Variants in VPS11 observed in about 807,000 individuals in gnomAD.
VPS11 encodes the protein VPS11 core subunit of CORVET and HOPS complexes.
VPS11 carries 51 observed loss-of-function variants against 106.8 expected under a neutral mutation model. The observed-to-expected ratio is 0.48, with a 90% CI of 0.38 to 0.60. VPS11 has a LOEUF of 0.60. Among genes scored for constraint, VPS11 ranks in the 20% least tolerant of loss-of-function variants. VPS11 has a pLI of 0.00. For synonymous variants in VPS11, 453 were observed against 458.7 expected (o/e 0.99, Z 0.16); for missense variants, 950 against 1,190.0 (o/e 0.80, Z 2.97).
Position 119,069,430 on chromosome 11 carries a change from G to A in VPS11, c.337-12G>A. The A allele has an allele frequency of 6.2e-7, 1 of 1,614,002 alleles. No homozygotes were observed. Among genetic ancestry groups the A allele is most frequent in the Non-Finnish European group, 8.5e-7 (1 of 1,179,888 alleles). ...GATGACTAGCATTTACACTTCTGAG[G>A]TCTGTCCACAGGTTAAGATCTGGAA... is the stretch of plus-strand genomic sequence containing the variant. On this transcript the variant is annotated splice_polypyrimidine_tract_variant and intron_variant, in intron 2 of 15. Transcript: ENST00000621676.
rs782391539 is a variant in VPS11, at chr11:119,078,213, C to T, written c.1802C>T (p.Pro601Leu). ...TTCATCCCCATCTTTGCCAATAACC[C>T]GCGAGAGCTGAAAGCCTTCCTAGAG... ...EEFIPIFANN[P>L]RELKAFLEHM... The change falls in exon 11 of 16, where the codon CCG becomes CTG. Residue 601 changes from proline to leucine, a missense_variant. Coordinates refer to ENST00000621676, the MANE Select transcript of VPS11 (RefSeq NM_021729.6). 1.9e-6 allele frequency: 3 copies of T among 1,613,552 alleles called. No homozygotes were observed. The highest frequency in any genetic ancestry group is 2.5e-6 in the Non-Finnish European group (3 of 1,179,896).
rs1191644865 is a variant in VPS11 at position 119,081,156 on chromosome 11, C to T, written c.2503C>T (p.His835Tyr). 9.9e-6 allele frequency: 16 copies of T among 1,614,040 alleles called. No homozygotes were observed. The highest frequency in any genetic ancestry group is 1.4e-5 in the Non-Finnish European group (16 of 1,179,904). Residue 835 changes from histidine (H) to tyrosine (Y), a missense_variant, in exon 15 of 16, where the codon CAC becomes TAC. Physicochemically the swap from His to Tyr is moderately conservative, Grantham distance 83. Around this residue, in one of 3 missense-constraint regions of VPS11, gnomAD observed 453 missense variants for 514.6 expected, o/e 0.88. Coordinates refer to ENST00000621676, the MANE Select transcript of VPS11 (RefSeq NM_021729.6). Reference protein sequence around the residue: ...CNSALELPSVHFLCGHSFHQH... With the variant: ...CNSALELPSVYFLCGHSFHQH... ...CAGTGCCTTGGAGTTGCCCTCAGTC[C>T]ACTTCCTGTGTGGCCACTCCTTCCA... is the stretch of plus-strand genomic sequence containing the variant.
In VPS11 at chr11:119,078,693, G is replaced by C. The variant is rs267602719; in HGVS notation, c.2052G>C (p.Glu684Asp). 6.8e-6 allele frequency: 11 copies of C among 1,611,770 alleles called. No homozygotes were observed. The South Asian group carries it at 1.1e-4, about 16-fold the overall frequency. ...AGGATGGTGTCCTTTACCTTTATGAGCAGGGGAAGCTGTAAGAGTTTGGGG... is the reference window on the plus strand; with the variant it reads ...AGGATGGTGTCCTTTACCTTTATGACCAGGGGAAGCTGTAAGAGTTTGGGG... ...DFQDGVLYLYEQGKLFQQIMH... is the reference protein window; with the variant it reads ...DFQDGVLYLYDQGKLFQQIMH... Residue 684 changes from glutamate (E) to aspartate (D), a missense_variant, in exon 12 of 16, where the codon GAG becomes GAC. Transcript: ENST00000621676.
At chr11:119,068,431 C>A (rs1945204740) in intron 1 of VPS11, among the ~76,000 whole-genome samples, 1 of 138,518 alleles carries the variant, frequency 7.2e-6, no homozygotes. Context: ...CTACTAAATT[C>A]TGGCCTTTTT....
At chr11:119,070,985 A>G (rs1165353361) in intron 4 of VPS11, among the ~76,000 whole-genome samples, 2 of 144,740 alleles carry the variant, frequency 1.4e-5, no homozygotes, top group South Asian at 4.4e-4. Flanking sequence ...CTAGAGTGCA[A>G]TGGTGCTGTC....
intron 6 of VPS11, 109 bp downstream of exon 6, chr11:119,073,508 C>A: frequency 7.6e-7 from 1 of 1,322,292 alleles, no homozygotes; most frequent in Non-Finnish European, 1.0e-6. Context: ...TGGGTCACAG[C>A]CTTACTCAGC....
Position 119,078,596 on chromosome 11 carries a change from C to T in VPS11, c.1955C>T (p.Ser652Phe). 2.5e-6 allele frequency: 4 copies of T among 1,613,594 alleles called. No homozygotes were observed. The South Asian group carries it at 4.4e-5, about 18-fold the overall frequency. Residue 652 changes from serine to phenylalanine, a missense_variant, in exon 12 of 16, where the codon TCC becomes TTC. By Grantham distance (155) the Ser-to-Phe change is radical. This residue lies in a region of VPS11 where 453 missense variants were observed against 514.6 expected (regional missense o/e 0.88). Transcript: ENST00000621676. ...VKEKLHAEAI[S>F]LLKSGRFCDV... ...GAGAAGCTTCACGCAGAGGCCATTT[C>T]CCTGCTGAAGAGTGGTCGCTTCTGC...
At chr11:119,070,169 T>G in intron 3 of VPS11, 65 bp from the exon 4 acceptor site, 1 of 1,520,406 alleles carries the variant, frequency 6.6e-7, no homozygotes, top group Non-Finnish European at 8.9e-7. Flanking sequence ...CAAGTGGTCT[T>G]TTTTCCCCTC....
intron 14 of VPS11, among the ~76,000 whole-genome samples, chr11:119,079,727 C>A (rs1007103558): frequency 6.6e-6 from 1 of 152,164 alleles, no homozygotes; most frequent in Non-Finnish European, 1.5e-5. Flanking sequence ...AGGCGTGTGC[C>A]ACCAAGCCCA....
At chr11:119,068,560 C>T (rs918967565) in intron 1 of VPS11, among the ~76,000 whole-genome samples, 1 of 149,546 alleles carries the variant, frequency 6.7e-6, no homozygotes, top group Non-Finnish European at 1.5e-5. Context: ...GATTCTCCTG[C>T]CACAGCCTCC....
rs1454864198 is a variant in VPS11, at chr11:119,077,602, T to C, written c.1527T>C (p.His509=). 7 of 1,612,916 alleles carry C rather than the reference T, an allele frequency of 4.3e-6. No homozygotes were observed. Among genetic ancestry groups the C allele is most frequent in the Non-Finnish European group, 5.9e-6 (7 of 1,179,354 alleles). Residue 509 remains histidine, a synonymous_variant, in exon 9 of 16, where the codon CAT becomes CAC. Transcript: ENST00000621676. ...YSHALYLAEN[H]AHHEWYLKIQ... is the part of the protein sequence containing the mutation. ...ATGCCCTGTATCTGGCGGAGAACCA[T>C]GCACATCATGAGTGGTACCTGAAGA...
In VPS11 at chr11:119,077,156, G is replaced by A. The variant is rs59351723; in HGVS notation, c.1425+73G>A. On this transcript the variant is annotated intron_variant, in intron 8 of 15. Transcript: ENST00000621676. ...GAGGTGGCTCCACCGGGACTTGTTCGTTTCAGCAAGACATAGGGAGAGGAA... is the reference window on the plus strand; with the variant it reads ...GAGGTGGCTCCACCGGGACTTGTTCATTTCAGCAAGACATAGGGAGAGGAA... The A allele has an allele frequency of 8.1e-3, 12,430 of 1,534,872 alleles. 700 individuals are homozygous for A. The African/African-American group carries it at 0.13, about 16-fold the overall frequency.
chr11:119,073,933 C>T lies in VPS11; in HGVS notation c.1220C>T (p.Ala407Val). 6.2e-7 allele frequency: 1 copy of T among 1,612,974 alleles called. No homozygotes were observed. The highest frequency in any genetic ancestry group is 8.5e-7 in the Non-Finnish European group (1 of 1,179,514). Residue 407 changes from alanine (A) to valine (V), a missense_variant, in exon 7 of 16, where the codon GCT becomes GTT. Coordinates refer to ENST00000621676, the MANE Select transcript of VPS11 (RefSeq NM_021729.6). The stretch of plus-strand genomic sequence containing the variant: ...TACAGCAAGGGCAACCACGATGGGG[C>T]TGTCCAGCAATATATCCGGTCAGTC... ...HLYSKGNHDG[A>V]VQQYIRTIGK...
chr11:119,069,041 T>G, intron 1 of VPS11, 155 bp from the exon 2 acceptor site: 1 of 321,558 alleles, frequency 3.1e-6, no homozygotes, highest in Non-Finnish European at 5.3e-6. Flanking sequence ...ATTACAGGTG[T>G]GAGTCACCGC....
At position 119,070,028 on chromosome 11, in the gene VPS11, A is replaced by AAATAAATAAAT. The variant is rs375064434; in HGVS notation, c.473-204_473-203insTAAATAAATAA. On this transcript the variant is annotated intron_variant, in intron 3 of 15. Transcript: ENST00000621676. Reference sequence around the variant, plus strand: ...TAAATAAATAAATAAATAAATAAATAAAATAAATAAAGTTTGGAATGGGAA... The same window carrying AAATAAATAAAT: ...TAAATAAATAAATAAATAAATAAATAAATAAATAAATAAATAAATAAAGTTTGGAATGGGAA... 2.1e-4 allele frequency among the ~76,000 whole-genome samples: 6 copies of AAATAAATAAAT among 28,132 alleles called. No homozygotes were observed. The East Asian group carries it at 0.012, about 55-fold the overall frequency. The allele number at this position is 28,132 out of a possible 152,430, so 18.5% of individuals were successfully genotyped here. A position where few individuals can be genotyped will look rare whatever the true frequency, so the allele number is the denominator to read the frequency against.
Position 119,071,808 on chromosome 11 carries a change from TATC to T in VPS11, c.852_854del (p.Ile285del), listed in dbSNP as rs1290647511. The T allele has an allele frequency of 6.2e-7, 1 of 1,613,708 alleles. No homozygotes were observed. The highest frequency in any genetic ancestry group is 8.5e-7 in the Non-Finnish European group (1 of 1,179,772). ...TTGCCCACTGGTTTAGAGGCTACCT[TATC>T]ATTGTCTCCCGTGACCGGAAGGTTT... is the stretch of plus-strand genomic sequence containing the variant. On this transcript the variant is annotated inframe_deletion, in exon 5 of 16. Coordinates refer to ENST00000621676, the MANE Select transcript of VPS11 (RefSeq NM_021729.6).
At position 119,081,186 on chromosome 11, in the gene VPS11, C is replaced by T. The variant is rs782770979; in HGVS notation, c.2533C>T (p.His845Tyr). ...HFLCGHSFHQ[H>Y]CFESYSESDA... ...CCTGTGTGGCCACTCCTTCCACCAA[C>T]ACTGCTTTGAGAGTTACTCGGAAAG... is the stretch of plus-strand genomic sequence containing the variant. The change falls in exon 15 of 16, where the codon CAC becomes TAC. Residue 845 changes from histidine to tyrosine, a missense_variant. Physicochemically the swap from His to Tyr is moderately conservative, Grantham distance 83. Around this residue, in one of 3 missense-constraint regions of VPS11, gnomAD observed 453 missense variants for 514.6 expected, o/e 0.88. Coordinates refer to ENST00000621676, the MANE Select transcript of VPS11 (RefSeq NM_021729.6). 6.2e-7 allele frequency: 1 copy of T among 1,614,066 alleles called. No individual in the cohort carries two copies. The highest frequency in any genetic ancestry group is 8.5e-7 in the Non-Finnish European group (1 of 1,179,904).
chr11:119,074,921 T>C (rs1024595096), intron 7 of VPS11, among the ~76,000 whole-genome samples: 1 of 152,180 alleles, frequency 6.6e-6, no homozygotes, highest in Admixed American at 6.5e-5. Flanking sequence ...CATAATTCCT[T>C]CCATCAGTAC....
At chr11:119,078,503 G>T (rs1450014384) in intron 11 of VPS11, 62 bp from the exon 12 acceptor site, 13 of 1,592,376 alleles carry the variant, frequency 8.2e-6, no homozygotes, top group Non-Finnish European at 1.1e-5. Context: ...GACTGGCTTT[G>T]TCCCAAGAGA....
Sources: gnomAD v4.1 joint callset for allele counts (sites outside exome capture counted in the v4.1 genomes callset) on GRCh38, gnomAD v4.1.1 for gene constraint, gnomAD v4.1.1 regional missense constraint, MANE v1.5 for transcripts, NCBI Gene and HGNC (gene_info 2026-07-23, HGNC 2026-07-21) for gene names.